The following CADPS2 variants were observed in gnomAD, a reference collection of about 807,000 sequenced individuals.
CADPS2 encodes calcium dependent secretion activator 2.
CADPS2 carries 93 observed loss-of-function variants against 172.5 expected under a neutral mutation model. The observed-to-expected ratio is 0.54, with a 90% CI of 0.46 to 0.64. The LOEUF is 0.64. Among genes scored for constraint, CADPS2 ranks in the 30% least tolerant of loss-of-function variants. The probability of loss-of-function intolerance (pLI) is 0.00; values close to 1 mark genes in which losing one functional copy is unlikely to be tolerated. For missense variants in CADPS2, 1,420 were observed against 1,565.9 expected (o/e 0.91, Z 1.57); for synonymous variants, 546 against 555.2 (o/e 0.98, Z 0.23).
chr7:122,416,195 C>T, intron 17 of CADPS2, 31 bp from the exon 18 acceptor site: 3 of 1,350,556 alleles, frequency 2.2e-6, no homozygotes, highest in Non-Finnish European at 3.1e-6. Flanking sequence ...ATCATGTTAC[C>T]TTGAAAATAA....
chr7:122,639,361 T>C (rs1344019196), intron 3 of CADPS2, among the ~76,000 whole-genome samples: 2 of 152,186 alleles, frequency 1.3e-5, no homozygotes, highest in African/African-American at 4.8e-5. Context: ...CAATTTTGAT[T>C]CACAAATAAT....
At chr7:122,885,606 C>T (rs1245599527) in intron 1 of CADPS2, among the ~76,000 whole-genome samples, 1 of 152,176 alleles carries the variant, frequency 6.6e-6, no homozygotes, top group African/African-American at 2.4e-5. Context: ...CTCGGCAAAC[C>T]CAGCTCTAGC....
chr7:122,466,620 C>T (rs2055172591), intron 14 of CADPS2, among the ~76,000 whole-genome samples: 1 of 152,090 alleles, frequency 6.6e-6, no homozygotes, highest in African/African-American at 2.4e-5. Flanking sequence ...AGAACAATCC[C>T]CAAAAGCTCA....
At chr7:122,649,315 C>T (rs2078892561) in intron 3 of CADPS2, among the ~76,000 whole-genome samples, 1 of 151,996 alleles carries the variant, frequency 6.6e-6, no homozygotes, top group Non-Finnish European at 1.5e-5. Flanking sequence ...CTTTATTAAA[C>T]TTCAATTAAA....
At chr7:122,703,626 G>A (rs1212383894) in intron 2 of CADPS2, among the ~76,000 whole-genome samples, 1 of 152,104 alleles carries the variant, frequency 6.6e-6, no homozygotes, top group African/African-American at 2.4e-5. Context: ...TAAGGATTTT[G>A]GATGATGTCC....
At position 122,621,649 on chromosome 7, in the gene CADPS2, T is replaced by G. The variant is rs1402101844; in HGVS notation, c.936A>C (p.Ser312=). 6.2e-7 allele frequency: 1 copy of G among 1,613,692 alleles called. No individual in the cohort carries two copies. The highest frequency in any genetic ancestry group is 1.3e-5 in the African/African-American group (1 of 74,932). Residue 312 remains serine (S), a synonymous_variant, in exon 5 of 30, where the codon TCA becomes TCC. Transcript: ENST00000449022. ...ENMYIEELRS[S]VNLLMANLES... The stretch of plus-strand genomic sequence containing the variant: ...CCAAATTGGCCATTAGCAAATTCAC[T>G]GAAGACCGCAACTCTTCTATATACA...
chr7:122,575,786 T>C (rs556508267), intron 7 of CADPS2, among the ~76,000 whole-genome samples: 1 of 152,284 alleles, frequency 6.6e-6, no homozygotes, highest in African/African-American at 2.4e-5. Flanking sequence ...TCATAAAATA[T>C]TTAAAAGCCT....
At chr7:122,625,696 A>G (rs1022733019) in intron 4 of CADPS2, among the ~76,000 whole-genome samples, 12 of 151,904 alleles carry the variant, frequency 7.9e-5, no homozygotes, top group African/African-American at 1.9e-4. Flanking sequence ...TACTTGTCCT[A>G]TGGATTCTGG....
At chr7:122,384,780 T>C (rs1476791709) in intron 24 of CADPS2, among the ~76,000 whole-genome samples, 1 of 152,088 alleles carries the variant, frequency 6.6e-6, no homozygotes, top group African/African-American at 2.4e-5. Flanking sequence ...ACCACCCACC[T>C]ATTAATGTAA....
chr7:122,332,683 T>C (rs1271861361), intron 28 of CADPS2, among the ~76,000 whole-genome samples: 1 of 152,160 alleles, frequency 6.6e-6, no homozygotes, highest in Non-Finnish European at 1.5e-5. Context: ...TAATAACAGA[T>C]ATTTCCAGAT....
At chr7:122,818,969 G>A (rs376384484) in intron 1 of CADPS2, among the ~76,000 whole-genome samples, 2,516 of 152,134 alleles carry the variant, frequency 0.017, 69 homozygotes, top group African/African-American at 0.056. Flanking sequence ...ATCTGCTCCC[G>A]ACATTAAATA....
intron 2 of CADPS2, among the ~76,000 whole-genome samples, chr7:122,725,406 G>A (rs1478852505): frequency 1.3e-5 from 2 of 151,732 alleles, no homozygotes; most frequent in Non-Finnish European, 2.9e-5. Flanking sequence ...TGGATGGATG[G>A]ATAGATTGAT....
At chr7:122,337,758 G>GAAAAAAA (rs372572074) in intron 28 of CADPS2, among the ~76,000 whole-genome samples, 1 of 134,478 alleles carries the variant, frequency 7.4e-6, no homozygotes, top group Non-Finnish European at 1.6e-5. Context: ...AAACTTTAAG[G>GAAAAAAA]AAAAAAAAAA....
chr7:122,658,042 A>G (rs1203123648), intron 3 of CADPS2, among the ~76,000 whole-genome samples: 3 of 152,184 alleles, frequency 2.0e-5, no homozygotes, highest in South Asian at 2.1e-4. Flanking sequence ...CAAATTTACA[A>G]GAAAAAAACA....
intron 1 of CADPS2, among the ~76,000 whole-genome samples, chr7:122,833,678 G>A (rs189349675): frequency 6.6e-6 from 1 of 152,248 alleles, no homozygotes; most frequent in East Asian, 1.9e-4. Context: ...TTACAGACAT[G>A]AGCCACCACG....
At chr7:122,647,835 T>C (rs891105139) in intron 3 of CADPS2, among the ~76,000 whole-genome samples, 1 of 152,138 alleles carries the variant, frequency 6.6e-6, no homozygotes, top group Non-Finnish European at 1.5e-5. Flanking sequence ...GAGCCTGACA[T>C]ATAGTGTCAA....
chr7:122,862,021 A>T (rs1817078590), intron 1 of CADPS2, among the ~76,000 whole-genome samples: 1 of 152,178 alleles, frequency 6.6e-6, no homozygotes, highest in African/African-American at 2.4e-5. Flanking sequence ...CTCACACACT[A>T]TTTCCTACAA....
intron 6 of CADPS2, among the ~76,000 whole-genome samples, chr7:122,613,167 C>T (rs1368552168): frequency 6.6e-6 from 1 of 151,310 alleles, no homozygotes; most frequent in Non-Finnish European, 1.5e-5. Flanking sequence ...GCACAAGCAA[C>T]AAAGAAAAAA....
At chr7:122,865,457 C>G (rs1000576518) in intron 1 of CADPS2, among the ~76,000 whole-genome samples, 1 of 152,188 alleles carries the variant, frequency 6.6e-6, no homozygotes, top group African/African-American at 2.4e-5. Flanking sequence ...CAGCTACTGA[C>G]AGATTTTTGA....
Sources: gnomAD v4.1 joint callset for allele counts (sites outside exome capture counted in the v4.1 genomes callset) on GRCh38, gnomAD v4.1.1 for gene constraint, MANE v1.5 for transcripts, NCBI Gene and HGNC (gene_info 2026-07-23, HGNC 2026-07-21) for gene names.